The following DPY19L3 variants were observed in gnomAD, a reference collection of about 807,000 sequenced individuals.
The protein encoded by DPY19L3 is protein C-mannosyl-transferase DPY19L3.
A neutral mutation model predicts 92.3 loss-of-function variants in DPY19L3; 51 were observed. The observed-to-expected ratio is 0.55, with a 90% CI of 0.44 to 0.70. The LOEUF is 0.70. Ranked by LOEUF, DPY19L3 falls within the 30% of genes least tolerant of loss-of-function variation. DPY19L3 has a pLI of 0.00. For synonymous variants in DPY19L3, 309 were observed against 315.2 expected, an observed-to-expected ratio of 0.98 and a Z score of 0.21; for missense variants, 706 against 855.9, an observed-to-expected ratio of 0.82 and a Z score of 2.18.
intron 9 of DPY19L3, among the ~76,000 whole-genome samples, chr19:32,454,135 T>C (rs1420815099): frequency 1.3e-5 from 2 of 152,164 alleles, no homozygotes; most frequent in Admixed American, 6.5e-5. Flanking sequence ...TGTTAAGATA[T>C]TATTATATTT....
chr19:32,471,533 C>G (rs1033023351), intron 16 of DPY19L3, among the ~76,000 whole-genome samples: 2 of 152,184 alleles, frequency 1.3e-5, no homozygotes, highest in Admixed American at 6.5e-5. Context: ...GCACCCCTTA[C>G]GTGACGTGTT....
intron 18 of DPY19L3, chr19:32,481,106 C>T (rs948401179): frequency 1.2e-5 from 3 of 242,108 alleles, no homozygotes; most frequent in Non-Finnish European, 2.4e-5. Flanking sequence ...TCCCTTCTCC[C>T]TTCTGAGGAA....
At chr19:32,449,389 CAGG>C (rs1326253381) in intron 8 of DPY19L3, among the ~76,000 whole-genome samples, 1 of 152,090 alleles carries the variant, frequency 6.6e-6, no homozygotes, top group African/African-American at 2.4e-5. Flanking sequence ...CTCAGAATCC[CAGG>C]AGGAGTTTTT....
intron 16 of DPY19L3, among the ~76,000 whole-genome samples, chr19:32,474,564 TTGTC>T (rs773464337): frequency 3.9e-4 from 59 of 152,330 alleles, no homozygotes; most frequent in Admixed American, 6.5e-4. Flanking sequence ...TTTGAAGTGT[TTGTC>T]TGTAATGGGA....
intron 3 of DPY19L3, among the ~76,000 whole-genome samples, chr19:32,427,796 A>G (rs1292982691): frequency 6.6e-6 from 1 of 152,170 alleles, no homozygotes; most frequent in East Asian, 1.9e-4. Flanking sequence ...TGCTGAGGGC[A>G]TGATTCCCAG....
chr19:32,461,157 C>T (rs1970028946), intron 12 of DPY19L3, among the ~76,000 whole-genome samples: 1 of 152,182 alleles, frequency 6.6e-6, no homozygotes, highest in Non-Finnish European at 1.5e-5. Context: ...TGAGCCACTG[C>T]ACCCTGCCAG....
chr19:32,477,080 T>C (rs1332182186), intron 16 of DPY19L3, among the ~76,000 whole-genome samples: 1 of 152,164 alleles, frequency 6.6e-6, no homozygotes, highest in East Asian at 1.9e-4. Flanking sequence ...TTTTAGGTTA[T>C]TTTTGTTAGA....
chr19:32,481,853 A>AT (rs1970682458), intron 18 of DPY19L3: 5 of 504,014 alleles, frequency 9.9e-6, no homozygotes, highest in South Asian at 9.4e-5. Flanking sequence ...TTTCCCGTTA[A>AT]TGGGATCATC....
intron 3 of DPY19L3, 132 bp downstream of exon 3, chr19:32,411,504 T>C (rs1968180984): frequency 8.0e-6 from 6 of 745,720 alleles, no homozygotes; most frequent in Non-Finnish European, 1.0e-5. Flanking sequence ...GACTATAGAG[T>C]GAAATAACTT....
At chr19:32,442,689 C>A (rs1304527503) in intron 8 of DPY19L3, among the ~76,000 whole-genome samples, 1 of 152,166 alleles carries the variant, frequency 6.6e-6, no homozygotes, top group Non-Finnish European at 1.5e-5. Flanking sequence ...CAAAAAGCCT[C>A]CTCCCTCTAG....
intron 3 of DPY19L3, chr19:32,411,719 C>G (rs1175325400): frequency 1.4e-5 from 4 of 281,388 alleles, no homozygotes; most frequent in Non-Finnish European, 6.4e-6. Context: ...AGGTGCGTGC[C>G]ACCACACCCA....
intron 3 of DPY19L3, among the ~76,000 whole-genome samples, chr19:32,423,229 C>T (rs771220281): frequency 7.9e-5 from 12 of 151,684 alleles, no homozygotes; most frequent in African/African-American, 2.7e-4. Context: ...TAATGTAGGT[C>T]TTGTCATTAA....
At position 32,477,551 on chromosome 19, in the gene DPY19L3, CG is replaced by C. The variant is rs1264524348; in HGVS notation, c.1730del (p.Gly577GlufsTer17). On this transcript the variant is annotated frameshift_variant, in exon 17 of 19. Transcript: ENST00000392250. LOFTEE classifies it high-confidence loss of function. ...NSNTPRKAVF[A>X]GSMQLLAGVK... ...AACACTCCAAGAAAGGCTGTGTTTG[CG>C]GGAAGCATGCAGTTGCTGGCCGGAG... 1.2e-6 allele frequency: 2 copies of C among 1,613,920 alleles called. No homozygotes were observed. Among genetic ancestry groups the C allele is most frequent in the Non-Finnish European group, 1.7e-6 (2 of 1,180,034 alleles).
At chr19:32,454,250 C>T (rs1969795138) in intron 9 of DPY19L3, among the ~76,000 whole-genome samples, 1 of 152,110 alleles carries the variant, frequency 6.6e-6, no homozygotes, top group South Asian at 2.1e-4. Flanking sequence ...TGACTTGTAA[C>T]TATGCCCGTG....
intron 3 of DPY19L3, among the ~76,000 whole-genome samples, chr19:32,422,993 A>G (rs1282317466): frequency 6.6e-5 from 10 of 152,228 alleles, no homozygotes; most frequent in African/African-American, 2.2e-4. Context: ...TCCATTGCAT[A>G]TAAAGATGGC....
intron 3 of DPY19L3, among the ~76,000 whole-genome samples, chr19:32,423,823 T>G (rs1568329218): frequency 6.6e-6 from 1 of 151,966 alleles, no homozygotes. Context: ...AAGACAAGCC[T>G]GGGCAACATG....
intron 3 of DPY19L3, among the ~76,000 whole-genome samples, chr19:32,421,696 C>T (rs568949260): frequency 3.3e-5 from 5 of 151,274 alleles, no homozygotes; most frequent in East Asian, 1.9e-4. Flanking sequence ...AGTAAAGTGT[C>T]GTCCTCCAAA....
intron 1 of DPY19L3, among the ~76,000 whole-genome samples, chr19:32,407,265 C>CCT (rs1383736704): frequency 4.6e-5 from 1 of 21,910 alleles, no homozygotes; most frequent in African/African-American, 2.9e-4. Context: ...GGCTCCTGCT[C>CCT]CCCCCCACCC....
intron 8 of DPY19L3, among the ~76,000 whole-genome samples, chr19:32,442,574 A>G (rs1969358529): frequency 1.3e-5 from 2 of 152,178 alleles, no homozygotes; most frequent in African/African-American, 4.8e-5. Context: ...CCTTGCGACC[A>G]GAGGGAAAAT....
Sources: gnomAD v4.1 joint callset for allele counts (sites outside exome capture counted in the v4.1 genomes callset) on GRCh38, gnomAD v4.1.1 for gene constraint, MANE v1.5 for transcripts, NCBI Gene and HGNC (gene_info 2026-07-23, HGNC 2026-07-21) for gene names.